Variants in NDST3 observed in about 807,000 individuals in gnomAD.
NDST3 encodes the protein bifunctional heparan sulfate N-deacetylase/N-sulfotransferase 3.
NDST3 carries 58 observed loss-of-function variants against 96.1 expected under a neutral mutation model. The ratio of observed to expected loss-of-function variants is 0.60; its 90% CI spans 0.49 to 0.75. NDST3 has a LOEUF of 0.75. Among genes scored for constraint, NDST3 ranks in the 30% least tolerant of loss-of-function variants. The pLI is 0.00. For synonymous variants in NDST3, 333 were observed against 359.7 expected (o/e 0.93, Z 0.84); for missense variants, 788 against 1,034.2 (o/e 0.76, Z 3.27).
chr4:118,079,336 G>C (rs13104129), intron 2 of NDST3, among the ~76,000 whole-genome samples: 114,479 of 152,116 alleles, frequency 0.75, 45,748 homozygotes, highest in South Asian at 0.92. Context: ...CAGGGAGGTT[G>C]AGCACAAGGG....
At chr4:118,118,554 T>A (rs899654376) in intron 4 of NDST3, among the ~76,000 whole-genome samples, 2 of 152,232 alleles carry the variant, frequency 1.3e-5, no homozygotes, top group African/African-American at 4.8e-5. Flanking sequence ...CAAACAAATT[T>A]GATGTCTATT....
chr4:118,228,818 C>G (rs1457574089), intron 8 of NDST3, among the ~76,000 whole-genome samples: 1 of 152,182 alleles, frequency 6.6e-6, no homozygotes, highest in African/African-American at 2.4e-5. Context: ...TCTAGAACTT[C>G]ACATAAATGG....
chr4:118,186,110 A>G (rs920503530), intron 6 of NDST3, among the ~76,000 whole-genome samples: 2 of 152,154 alleles, frequency 1.3e-5, no homozygotes, highest in African/African-American at 4.8e-5. Flanking sequence ...TTCTGCTTAC[A>G]GGAGAAAAAC....
At chr4:118,197,762 G>A (rs1737790085) in intron 6 of NDST3, among the ~76,000 whole-genome samples, 1 of 148,460 alleles carries the variant, frequency 6.7e-6, no homozygotes, top group African/African-American at 2.5e-5. Flanking sequence ...GGGTTTTTTG[G>A]TGTGTTTTGT....
Position 118,053,391 on chromosome 4 carries a change from T to A in NDST3, c.-155-365T>A, listed in dbSNP as rs111437840. ...TGTGATTAAAAACAAACAGCTTGAG[T>A]ATGTATTACATAATGTATAGCCAGA... On this transcript the variant is annotated intron_variant, in intron 1 of 13. Transcript: ENST00000296499. Among the ~76,000 whole-genome samples, 649 of 152,116 alleles carry A rather than the reference T, an allele frequency of 4.3e-3. 4 individuals carry two copies. Among genetic ancestry groups the A allele is most frequent in the African/African-American group, 8.9e-3 (370 of 41,540 alleles).
At chr4:118,179,067 C>T (rs1400425594) in intron 6 of NDST3, among the ~76,000 whole-genome samples, 4 of 151,976 alleles carry the variant, frequency 2.6e-5, no homozygotes, top group African/African-American at 9.7e-5. Flanking sequence ...ACCCAAATCT[C>T]ACATAATAGG....
At position 118,148,921 on chromosome 4, in the gene NDST3, T is replaced by G. The variant is rs1211813194; in HGVS notation, c.1539+5237T>G. ...TTTAAGTCTTTAATCCATCTTGAATTGATTTTTGTATAAGGTGTAAGGAAG... is the reference window on the plus strand; with the variant it reads ...TTTAAGTCTTTAATCCATCTTGAATGGATTTTTGTATAAGGTGTAAGGAAG... On this transcript the variant is annotated intron_variant, in intron 6 of 13. Coordinates refer to ENST00000296499, the MANE Select transcript of NDST3 (RefSeq NM_004784.3). 3.3e-5 allele frequency among the ~76,000 whole-genome samples: 5 copies of G among 152,256 alleles called. No homozygotes were observed. In the East Asian group the frequency reaches 9.7e-4, roughly 29 times the overall value.
At chr4:118,129,533 A>C (rs1284756159) in intron 4 of NDST3, among the ~76,000 whole-genome samples, 1 of 151,894 alleles carries the variant, frequency 6.6e-6, no homozygotes, top group African/African-American at 2.4e-5. Flanking sequence ...GTTTTATTCC[A>C]TTGTTGTCAG....
At chr4:118,204,217 GCTTGGTCA>G (rs1489313021) in intron 6 of NDST3, among the ~76,000 whole-genome samples, 2 of 152,058 alleles carry the variant, frequency 1.3e-5, no homozygotes, top group East Asian at 3.9e-4. Flanking sequence ...CAGGTACCTC[GCTTGGTCA>G]CTTGATGCTC....
intron 8 of NDST3, among the ~76,000 whole-genome samples, chr4:118,228,919 T>G (rs566507277): frequency 2.6e-5 from 4 of 152,388 alleles, no homozygotes; most frequent in South Asian, 4.1e-4. Flanking sequence ...ATCCATATTT[T>G]GTGAAATTGA....
At chr4:118,065,635 T>A (rs1470514184) in intron 2 of NDST3, among the ~76,000 whole-genome samples, 1 of 152,080 alleles carries the variant, frequency 6.6e-6, no homozygotes, top group African/African-American at 2.4e-5. Context: ...TTTTCATTGT[T>A]ACCATTTCAT....
chr4:118,174,302 A>C, intron 6 of NDST3, among the ~76,000 whole-genome samples: 1 of 152,194 alleles, frequency 6.6e-6, no homozygotes, highest in East Asian at 1.9e-4. Flanking sequence ...CCAGAACATT[A>C]AAAAGAAAAA....
At chr4:118,058,695 G>A (rs774320089) in intron 2 of NDST3, among the ~76,000 whole-genome samples, 14 of 151,276 alleles carry the variant, frequency 9.3e-5, no homozygotes, top group Admixed American at 2.0e-4. Context: ...GAGTTTTAGT[G>A]ACGTTCAAAA....
intron 3 of NDST3, among the ~76,000 whole-genome samples, chr4:118,110,885 T>A (rs1730578853): frequency 6.6e-6 from 1 of 152,090 alleles, no homozygotes; most frequent in South Asian, 2.1e-4. Flanking sequence ...ACAGCACTAT[T>A]CACACTAGCA....
Position 118,200,418 on chromosome 4 carries a change from G to A in NDST3, c.1540-24073G>A, listed in dbSNP as rs556504997. ...CTTCAGTCAGCTTGTGTTGAATGCTGCCTGGCCTGGGACTCACCCTTTAGA... is the reference window on the plus strand; with the variant it reads ...CTTCAGTCAGCTTGTGTTGAATGCTACCTGGCCTGGGACTCACCCTTTAGA... On this transcript the variant is annotated intron_variant, in intron 6 of 13. Coordinates refer to ENST00000296499, the MANE Select transcript of NDST3 (RefSeq NM_004784.3). Among the ~76,000 whole-genome samples the A allele has an allele frequency of 2.0e-5, 3 of 152,202 alleles. No homozygotes were observed. In the South Asian group the frequency reaches 6.2e-4, roughly 32 times the overall value.
chr4:118,097,429 A>C (rs1324923331), intron 2 of NDST3, among the ~76,000 whole-genome samples: 1 of 151,976 alleles, frequency 6.6e-6, no homozygotes, highest in Non-Finnish European at 1.5e-5. Context: ...AACAACTCAT[A>C]AATAAATAAA....
intron 7 of NDST3, among the ~76,000 whole-genome samples, chr4:118,225,035 C>T (rs1739787520): frequency 6.6e-6 from 1 of 152,150 alleles, no homozygotes; most frequent in Admixed American, 6.5e-5. Flanking sequence ...ATCCCCATAT[C>T]TCTAATGACT....
chr4:118,211,362 C>A (rs941559707), intron 6 of NDST3, among the ~76,000 whole-genome samples: 1 of 152,008 alleles, frequency 6.6e-6, no homozygotes, highest in African/African-American at 2.4e-5. Flanking sequence ...ATATGAGCTA[C>A]ATAATTATTT....
chr4:118,170,916 A>G (rs1413282803), intron 6 of NDST3, among the ~76,000 whole-genome samples: 10 of 152,074 alleles, frequency 6.6e-5, no homozygotes, highest in Non-Finnish European at 1.2e-4. Flanking sequence ...ACAACCCTCC[A>G]ATCTTCTCTC....
Sources: gnomAD v4.1 joint callset for allele counts (sites outside exome capture counted in the v4.1 genomes callset) on GRCh38, gnomAD v4.1.1 for gene constraint, MANE v1.5 for transcripts, NCBI Gene and HGNC (gene_info 2026-07-23, HGNC 2026-07-21) for gene names.